Variants in ACOT12 observed in about 807,000 individuals in gnomAD.
ACOT12 encodes the protein acyl-CoA thioesterase 12.
ACOT12 carries 51 observed loss-of-function variants against 67.7 expected under a neutral mutation model. The observed-to-expected ratio is 0.75, with a 90% confidence interval of 0.60 to 0.95. The LOEUF (loss-of-function observed/expected upper bound fraction) is 0.95, where lower values mean the gene tolerates loss of function less well. ACOT12 is among the 40% of genes least tolerant of loss of function. ACOT12 has a pLI of 0.00. For missense variants in ACOT12, 734 were observed against 708.1 expected (o/e 1.04, Z -0.41); for synonymous variants, 251 against 244.6 (o/e 1.03, Z -0.24).
the ACOT12 span, chr5:81,311,326 T>G: frequency 1.3e-6 from 2 of 1,577,252 alleles, no homozygotes; most frequent in Non-Finnish European, 1.7e-6. Context: ...TTAGTATTCC[T>G]CTGCGTTTTA....
chr5:81,370,215 C>A (rs767410003), intron 3 of ACOT12, among the ~76,000 whole-genome samples: 3 of 151,932 alleles, frequency 2.0e-5, no homozygotes, highest in Non-Finnish European at 4.4e-5. Context: ...CGGAGGTTGC[C>A]GTGAGCCGAG....
chr5:81,368,583 A>G lies in ACOT12; in HGVS notation c.258+3167T>C, dbSNP rs144419627. 9.3e-3 allele frequency among the ~76,000 whole-genome samples: 1,412 copies of G among 152,220 alleles called. 32 individuals are homozygous for G. Among genetic ancestry groups the G allele is most frequent in the African/African-American group, 0.031 (1,297 of 41,548 alleles). ...ATCAGAGATTTGGAAATTAAACAAC[A>G]CACATCTAGACAGACTAGAGGTCAG... On this transcript the variant is annotated intron_variant, in intron 3 of 14. Transcript: ENST00000307624.
At chr5:81,380,527 G>GTACTT (rs1561350611) in intron 2 of ACOT12, among the ~76,000 whole-genome samples, 1 of 143,872 alleles carries the variant, frequency 7.0e-6, no homozygotes, top group African/African-American at 2.6e-5. Flanking sequence ...TCGTGCCATT[G>GTACTT]CACTTCAGCC....
At chr5:81,309,062 G>A in the ACOT12 span, 5 of 1,534,510 alleles carry the variant, frequency 3.3e-6, no homozygotes, top group Non-Finnish European at 4.4e-6. Flanking sequence ...CCCTCATATA[G>A]CAGAAATGGT....
chr5:81,312,631 A>C, the ACOT12 span: 4 of 1,613,798 alleles, frequency 2.5e-6, no homozygotes, highest in East Asian at 8.9e-5. Context: ...CAAAAACCCA[A>C]AACAAAAATA....
At chr5:81,358,785 G>T (rs1474362466) in intron 5 of ACOT12, among the ~76,000 whole-genome samples, 1 of 151,992 alleles carries the variant, frequency 6.6e-6, no homozygotes, top group African/African-American at 2.4e-5. Context: ...GGAGGCATAG[G>T]TTGCAGTGAG....
At chr5:81,338,633 G>A (rs974571270) in intron 11 of ACOT12, among the ~76,000 whole-genome samples, 6 of 151,858 alleles carry the variant, frequency 4.0e-5, no homozygotes, top group East Asian at 1.9e-4. Flanking sequence ...GAACTAATAC[G>A]CCAACTCAAA....
At chr5:81,311,074 C>A in the ACOT12 span, 2 of 807,644 alleles carry the variant, frequency 2.5e-6, no homozygotes, top group Non-Finnish European at 4.2e-6. Flanking sequence ...AATAGTGGCA[C>A]CTCCCTATGA....
downstream of ACOT12, among the ~76,000 whole-genome samples, chr5:81,326,416 G>A (rs577850283): frequency 6.6e-5 from 10 of 152,162 alleles, no homozygotes; most frequent in East Asian, 3.9e-4. Flanking sequence ...GAGCCACCAC[G>A]CCTGGCCAAG....
rs1580538920 is a variant in ACOT12, at chr5:81,342,742, T to A, written c.1058A>T (p.Asp353Val). The part of the protein sequence containing the change: ...WDISKQASLS[D>V]SNVEALKKLA... ...TTTTTTGAGGGCCTCCACATTGCTGTCACTCAGGGATGCCTAGAATAGAAA... is the reference window on the plus strand; with the variant it reads ...TTTTTTGAGGGCCTCCACATTGCTGACACTCAGGGATGCCTAGAATAGAAA... Residue 353 changes from aspartate (D) to valine (V), a missense_variant, in exon 11 of 15, where the codon GAC becomes GTC. Physicochemically the swap from Asp to Val is radical, Grantham distance 152. Coordinates refer to ENST00000307624, the MANE Select transcript of ACOT12 (RefSeq NM_130767.3). 1 of 1,614,022 alleles carries A rather than the reference T, an allele frequency of 6.2e-7. No homozygotes were observed. The highest frequency in any genetic ancestry group is 1.7e-5 in the Admixed American group (1 of 60,000).
chr5:81,322,388 C>T, the ACOT12 span, among the ~76,000 whole-genome samples: 5 of 150,760 alleles, frequency 3.3e-5, no homozygotes, highest in East Asian at 1.9e-4. Context: ...TTCCGGAAGG[C>T]GGAAGTTGCA....
intron 4 of ACOT12, among the ~76,000 whole-genome samples, chr5:81,361,520 G>T (rs922351868): frequency 6.6e-6 from 1 of 152,146 alleles, no homozygotes; most frequent in Non-Finnish European, 1.5e-5. Flanking sequence ...AATTTTTGTA[G>T]TGTTGTTTTA....
chr5:81,359,240 G>A (rs559974270), intron 5 of ACOT12, among the ~76,000 whole-genome samples: 2 of 152,188 alleles, frequency 1.3e-5, no homozygotes, highest in African/African-American at 2.4e-5. Context: ...GCTCTCCACC[G>A]GCACCCCTTG....
intron 8 of ACOT12, among the ~76,000 whole-genome samples, chr5:81,344,639 A>C (rs1759314380): frequency 6.6e-6 from 1 of 152,192 alleles, no homozygotes; most frequent in Non-Finnish European, 1.5e-5. Context: ...CAGGACATAG[A>C]AGGTGACATC....
chr5:81,384,117 CTT>C (rs35675731), intron 2 of ACOT12, among the ~76,000 whole-genome samples: 10 of 118,678 alleles, frequency 8.4e-5, no homozygotes, highest in East Asian at 2.3e-4. Context: ...CATAGGTGTA[CTT>C]TTTTTTTTTT....
At chr5:81,308,947 C>T in the ACOT12 span, 51 of 1,611,994 alleles carry the variant, frequency 3.2e-5, no homozygotes, top group East Asian at 1.1e-4. Flanking sequence ...TTTTTACAGG[C>T]GAATTTCCTT....
At chr5:81,380,569 A>C (rs1760549722) in intron 2 of ACOT12, among the ~76,000 whole-genome samples, 1 of 144,246 alleles carries the variant, frequency 6.9e-6, no homozygotes, top group African/African-American at 2.6e-5. Flanking sequence ...CTTAGAAAAA[A>C]AAAAAAAAAA....
In ACOT12 at chr5:81,386,994, C is replaced by CTTTTTTTTTTTTTTTTTTTTTTT. The variant is rs1052387807; in HGVS notation, c.128-1169_128-1168insAAAAAAAAAAAAAAAAAAAAAAA. On this transcript the variant is annotated intron_variant, in intron 1 of 14. Transcript: ENST00000307624. The stretch of plus-strand genomic sequence containing the variant: ...TCCAGACACTGAGTTGGATGAGTTC[C>CTTTTTTTTTTTTTTTTTTTTTTT]ATTTTTTTTTTTTTTTTTTTTTTTC... Among the ~76,000 whole-genome samples, 5 of 128,480 alleles carry CTTTTTTTTTTTTTTTTTTTTTTT rather than the reference C, an allele frequency of 3.9e-5. 1 individual carries two copies. The highest frequency in any genetic ancestry group is 6.5e-5 in the African/African-American group (2 of 30,800). 84.3% of individuals were successfully genotyped at this position (128,480 alleles called of 152,430 possible).
chr5:81,369,414 T>C (rs2153855895), intron 3 of ACOT12, among the ~76,000 whole-genome samples: 1 of 152,278 alleles, frequency 6.6e-6, no homozygotes, highest in Middle Eastern at 3.4e-3. Flanking sequence ...GAAACTGAAA[T>C]TGAACAGGAA....
Sources: allele counts gnomAD v4.1 joint callset (sites outside exome capture counted in the v4.1 genomes callset), GRCh38; gene constraint gnomAD v4.1.1; transcripts MANE v1.5; gene names NCBI Gene and HGNC (gene_info 2026-07-23, HGNC 2026-07-21).